The following CPNE7 variants were observed in gnomAD, a reference collection of about 807,000 sequenced individuals.
The protein encoded by CPNE7 is copine 7.
A neutral mutation model predicts 66.5 loss-of-function variants in CPNE7; 78 were observed. The observed-to-expected ratio is 1.17, with a 90% CI of 0.98 to 1.42. CPNE7 has a LOEUF of 1.42. Ranked by LOEUF, CPNE7 falls within the 40% of genes most tolerant of loss-of-function variation. The probability of loss-of-function intolerance (pLI) is 0.00; values close to 1 mark genes in which losing one functional copy is unlikely to be tolerated. For synonymous variants in CPNE7, 468 were observed against 336.7 expected, an observed-to-expected ratio of 1.39 and a Z score of -4.27; for missense variants, 1,012 against 776.6, an observed-to-expected ratio of 1.30 and a Z score of -3.60.
intron 13 of CPNE7, among the ~76,000 whole-genome samples, chr16:89,593,503 C>T (rs2059206711): frequency 2.6e-5 from 4 of 151,738 alleles, no homozygotes. Context: ...CAGGCGCCCG[C>T]CACCACGCCC....
intron 5 of CPNE7, 53 bp from the exon 6 acceptor site, chr16:89,585,411 C>A (rs1296568461): frequency 2.4e-5 from 31 of 1,308,482 alleles, no homozygotes; most frequent in Middle Eastern, 2.2e-4. Flanking sequence ...CTATCCCCCC[C>A]AAGGATCCCA....
At chr16:89,588,558 A>T (rs959535704) in intron 9 of CPNE7, 117 bp from the exon 10 acceptor site, 2 of 1,308,442 alleles carry the variant, frequency 1.5e-6, no homozygotes, top group Non-Finnish European at 2.1e-6. Context: ...AGCCCTACCC[A>T]CCTACGCGAC....
In CPNE7 at chr16:89,588,601, G is replaced by C; in HGVS notation, c.928-74G>C. 2.5e-6 allele frequency: 4 copies of C among 1,590,066 alleles called. No homozygotes were observed. The South Asian group carries it at 4.5e-5, about 18-fold the overall frequency. On this transcript the variant is annotated intron_variant, in intron 9 of 14. Transcript: ENST00000319518. ...CCTGAGTCCTGGCCACTCTGGGCGT[G>C]GTTTCTCTACCTGTCAGGAGCGGGT...
chr16:89,577,487 A>T, intron 1 of CPNE7, 52 bp from the exon 2 acceptor site: 1 of 1,533,554 alleles, frequency 6.5e-7, no homozygotes, highest in South Asian at 1.2e-5. Flanking sequence ...GGAGGTCTGG[A>T]GCCCGGGGTG....
Position 89,587,155 on chromosome 16 carries a change from GCC to G in CPNE7, c.927+56_927+57del, listed in dbSNP as rs1555623773. 295 of 561,506 alleles carry G rather than the reference GCC, an allele frequency of 5.3e-4. 3 individuals carry two copies. The highest frequency in any genetic ancestry group is 3.7e-3 in the East Asian group (55 of 14,894). The allele number at this position is 561,506 out of a possible 1,614,324, so 34.8% of individuals were successfully genotyped here. On this transcript the variant is annotated intron_variant, in intron 9 of 14. Transcript: ENST00000319518. ...CCCCCTCAGTCCGTGGCCCCGCCCC[GCC>G]CCGCCCCCTCAGTCCGTGGCCCCGC...
intron 9 of CPNE7, 99 bp downstream of exon 9, chr16:89,587,201 T>A: frequency 1.5e-5 from 6 of 402,284 alleles, no homozygotes; most frequent in South Asian, 1.3e-4. Flanking sequence ...GCCCCCTCAG[T>A]CTGTGGCCCC....
chr16:89,595,279 C>T, intron 13 of CPNE7, 88 bp from the exon 14 acceptor site: 4 of 1,121,184 alleles, frequency 3.6e-6, no homozygotes, highest in Non-Finnish European at 5.2e-6. Flanking sequence ...CACGGAGGCA[C>T]TCTGGGCTGT....
At position 89,575,937 on chromosome 16, in the gene CPNE7, G is replaced by A; in HGVS notation, c.40G>A (p.Gly14Arg). 3.0e-6 allele frequency: 4 copies of A among 1,320,874 alleles called. 1 individual carries two copies. In the South Asian group the frequency reaches 5.8e-5, roughly 19 times the overall value. 81.8% of individuals were successfully genotyped at this position (1,320,874 alleles called of 1,614,324 possible). A position where few individuals can be genotyped will look rare whatever the true frequency, so the allele number is the denominator to read the frequency against. ...GSERGAAATP[G>R]GLPAPCASKV... ...GGAGCGCGGGGCGGCGGCAACCCCC[G>A]GGGGTTTGCCCGCGCCCTGCGCCTC... The change falls in exon 1 of 15, where the codon GGG (glycine) becomes AGG (arginine). Residue 14 changes from glycine to arginine, a missense_variant. Coordinates refer to ENST00000319518, the MANE Select transcript of CPNE7 (RefSeq NM_153636.3).
At chr16:89,588,242 C>CACAGAAACACG in intron 9 of CPNE7, among the ~76,000 whole-genome samples, 1 of 152,054 alleles carries the variant, frequency 6.6e-6, no homozygotes, top group Non-Finnish European at 1.5e-5. Flanking sequence ...CCGTGTCACC[C>CACAGAAACACG]GCGTGTTATT....
chr16:89,578,801 G>T, intron 2 of CPNE7: 1 of 1,535,646 alleles, frequency 6.5e-7, no homozygotes, highest in Non-Finnish European at 8.7e-7. Context: ...TGAGCAGCAG[G>T]TCCTACGGTG....
intron 13 of CPNE7, among the ~76,000 whole-genome samples, chr16:89,594,536 G>T (rs2059222154): frequency 6.6e-6 from 1 of 151,838 alleles, no homozygotes; most frequent in South Asian, 2.1e-4. Flanking sequence ...GCTCAGGCGA[G>T]CCCTGCTTCT....
intron 1 of CPNE7, among the ~76,000 whole-genome samples, chr16:89,577,304 G>A (rs1388465566): frequency 6.6e-6 from 1 of 152,200 alleles, no homozygotes; most frequent in Admixed American, 6.5e-5. Context: ...TCCTCTGTGA[G>A]CCTCACTTTC....
intron 11 of CPNE7, 46 bp from the exon 12 acceptor site, chr16:89,590,961 G>T (rs1381591812): frequency 6.2e-7 from 1 of 1,609,742 alleles, no homozygotes. Flanking sequence ...GGCCAGTGGG[G>T]TGTGTTGCAA....
intron 10 of CPNE7, 139 bp downstream of exon 10, chr16:89,588,947 G>C: frequency 9.8e-7 from 1 of 1,025,308 alleles, no homozygotes; most frequent in Admixed American, 2.1e-5. Context: ...TCACCCCCCT[G>C]GGCTCCAGGT....
intron 2 of CPNE7, among the ~76,000 whole-genome samples, chr16:89,582,333 G>T (rs1165435709): frequency 6.6e-6 from 1 of 152,236 alleles, no homozygotes; most frequent in Non-Finnish European, 1.5e-5. Context: ...ATTAAACGCT[G>T]TTGGCACAAA....
In CPNE7 at chr16:89,584,033, C is replaced by A. The variant is rs373955797; in HGVS notation, c.438C>A (p.Ile146=). The change falls in exon 4 of 15, where the codon ATC becomes ATA. Residue 146 remains isoleucine (I), a synonymous_variant. Transcript: ENST00000319518. The surrounding 1 kb of genome is among the most constrained non-coding windows in gnomAD (Gnocchi z 6.0). ...RNAGKSTITV[I]AEDISGNNGY... ...CCCGGGCGTCCCCCTGCCAGGTGAT[C>A]GCCGAGGACATCTCGGGGAACAACG... The A allele has an allele frequency of 6.2e-7, 1 of 1,612,086 alleles. No individual in the cohort carries two copies. Among genetic ancestry groups the A allele is most frequent in the Middle Eastern group, 1.7e-4 (1 of 6,052 alleles).
Position 89,586,862 on chromosome 16 carries a change from C to A in CPNE7, c.867+106C>A, listed in dbSNP as rs527686769. 78 of 1,189,108 alleles carry A rather than the reference C, an allele frequency of 6.6e-5. No homozygotes were observed. In the South Asian group the frequency reaches 7.9e-4, roughly 12 times the overall value. The allele number at this position is 1,189,108 out of a possible 1,614,324, so 73.7% of individuals were successfully genotyped here. A position where few individuals can be genotyped will look rare whatever the true frequency, so the allele number is the denominator to read the frequency against. ...CAACCAGAGGCCTGGTGGGCCCCAG[C>A]ACGTCTGGGGAGGGGCTGAGAGACG... On this transcript the variant is annotated intron_variant, in intron 8 of 14. Transcript: ENST00000319518.
intron 13 of CPNE7, chr16:89,594,186 A>G (rs1597722296): frequency 1.1e-5 from 1 of 92,680 alleles, no homozygotes; most frequent in South Asian, 4.1e-4. Flanking sequence ...GTGCTCGCAC[A>G]GTTGGCAGAG....
intron 2 of CPNE7, chr16:89,578,932 A>G (rs2058903363): frequency 6.2e-7 from 1 of 1,613,572 alleles, no homozygotes; most frequent in Admixed American, 1.7e-5. Flanking sequence ...ACACTGCGCT[A>G]AGCACTTCCT....
Sources: gnomAD v4.1 joint callset for allele counts (sites outside exome capture counted in the v4.1 genomes callset) on GRCh38, gnomAD v4.1.1 for gene constraint, Gnocchi (gnomAD v3.1) non-coding constraint, MANE v1.5 for transcripts, NCBI Gene and HGNC (gene_info 2026-07-23, HGNC 2026-07-21) for gene names.